The following NRXN1 variants were observed in gnomAD, a reference collection of about 807,000 sequenced individuals.
NRXN1 encodes neurexin-1.
In NRXN1, 39 loss-of-function variants were observed where a neutral mutation model predicts 150.9. The observed-to-expected ratio is 0.26, with a 90% CI of 0.20 to 0.34. The LOEUF (loss-of-function observed/expected upper bound fraction) is 0.34, where lower values mean the gene tolerates loss of function less well. Ranked by LOEUF, NRXN1 falls within the 10% of genes least tolerant of loss-of-function variation. The pLI is 1.00. For synonymous variants in NRXN1, 924 were observed against 757.0 expected (o/e 1.22, Z -3.62); for missense variants, 1,815 against 1,949.9 (o/e 0.93, Z 1.30).
At chr2:49,961,654 AG>A (rs1246489675) in intron 21 of NRXN1, among the ~76,000 whole-genome samples, 35 of 152,214 alleles carry the variant, frequency 2.3e-4, no homozygotes, top group Non-Finnish European at 3.2e-4. Flanking sequence ...CTATGGAAAT[AG>A]GACAAATTAG....
chr2:50,611,631 G>C (rs1237134212), intron 8 of NRXN1, among the ~76,000 whole-genome samples: 3 of 152,264 alleles, frequency 2.0e-5, no homozygotes, highest in East Asian at 3.9e-4. Flanking sequence ...GCAATGTATA[G>C]AGCCAATACT....
intron 19 of NRXN1, among the ~76,000 whole-genome samples, chr2:50,067,284 A>G (rs1166428318): frequency 6.6e-6 from 1 of 152,236 alleles, no homozygotes; most frequent in East Asian, 1.9e-4. Flanking sequence ...ACATTAAGAT[A>G]TCTAAGTGTT....
rs1693036341 is a variant in NRXN1, at chr2:50,053,321, T to G, written c.4078A>C (p.Thr1360Pro). The change falls in exon 21 of 23, where the codon ACT (threonine) becomes CCT (proline). Residue 1360 changes from threonine (T) to proline (P), a missense_variant. Thr to Pro is a conservative substitution (Grantham distance 38). This residue lies in a region of NRXN1 where 265 missense variants were observed against 307.1 expected (regional missense o/e 0.86). Coordinates refer to ENST00000401669, the MANE Select transcript of NRXN1 (RefSeq NM_001330078.2). ...GGCTTTCCTCTTCTGGCTGTGCTAGTAGCCAGGGTCGTGGTAGTCTCCATA... is the reference window on the plus strand; with the variant it reads ...GGCTTTCCTCTTCTGGCTGTGCTAGGAGCCAGGGTCGTGGTAGTCTCCATA... ...SIMETTTTLA[T>P]STARRGKPPT... The G allele has an allele frequency of 1.2e-6, 2 of 1,613,898 alleles. No individual in the cohort carries two copies. Among genetic ancestry groups the G allele is most frequent in the Non-Finnish European group, 1.7e-6 (2 of 1,179,914 alleles).
At chr2:50,652,227 C>A (rs1298021758) in intron 5 of NRXN1, among the ~76,000 whole-genome samples, 2 of 152,072 alleles carry the variant, frequency 1.3e-5, no homozygotes, top group Non-Finnish European at 2.9e-5. Flanking sequence ...TCCTTTATAT[C>A]TTTTCTGAAG....
chr2:50,485,397 A>T (rs2090794027), intron 15 of NRXN1, among the ~76,000 whole-genome samples: 1 of 152,358 alleles, frequency 6.6e-6, no homozygotes, highest in African/African-American at 2.4e-5. Flanking sequence ...CGTACTATGC[A>T]GTGAGTTTGT....
chr2:50,636,864 T>G (rs947136408), intron 5 of NRXN1, among the ~76,000 whole-genome samples: 1 of 152,208 alleles, frequency 6.6e-6, no homozygotes, highest in African/African-American at 2.4e-5. Context: ...AAAGTACTTC[T>G]TCATATAATT....
rs75795102 is a variant in NRXN1, at chr2:50,491,625, G to C, written c.3070+4280C>G. On this transcript the variant is annotated intron_variant, in intron 15 of 22. Coordinates refer to ENST00000401669, the MANE Select transcript of NRXN1 (RefSeq NM_001330078.2). ...ATCCTTGAAGGAGTTTTGGGTTTGA[G>C]AGGGAGAACAGAGGAGGAAGAAAGG... Among the ~76,000 whole-genome samples the C allele has an allele frequency of 3.3e-3, 502 of 152,306 alleles. 2 individuals are homozygous for C. The highest frequency in any genetic ancestry group is 5.2e-3 in the Non-Finnish European group (356 of 68,020).
At chr2:50,641,080 G>T (rs1684010280) in intron 5 of NRXN1, among the ~76,000 whole-genome samples, 1 of 152,086 alleles carries the variant, frequency 6.6e-6, no homozygotes, top group African/African-American at 2.4e-5. Flanking sequence ...TTTGCAAACT[G>T]CAGGCTGAAA....
intron 19 of NRXN1, among the ~76,000 whole-genome samples, chr2:50,065,670 G>GT (rs200136510): frequency 1.3e-4 from 20 of 151,774 alleles, no homozygotes; most frequent in Admixed American, 2.0e-4. Flanking sequence ...GCAGTATTTT[G>GT]TTTTTTTTCC....
intron 17 of NRXN1, among the ~76,000 whole-genome samples, chr2:50,328,004 T>C (rs2076502793): frequency 6.6e-6 from 1 of 152,128 alleles, no homozygotes; most frequent in Admixed American, 6.5e-5. Context: ...ATTTTTTATA[T>C]GTGTATTCTG....
chr2:50,036,521 T>C (rs141916176), intron 21 of NRXN1, among the ~76,000 whole-genome samples: 6 of 152,344 alleles, frequency 3.9e-5, no homozygotes, highest in Non-Finnish European at 8.8e-5. Context: ...CATTTGTCTT[T>C]GATTTTTAGC....
chr2:50,872,639 C>G (rs1383366223), intron 5 of NRXN1, among the ~76,000 whole-genome samples: 1 of 151,604 alleles, frequency 6.6e-6, no homozygotes, highest in Non-Finnish European at 1.5e-5. Flanking sequence ...AAAATAATCA[C>G]TCTCACTGGT....
chr2:50,592,668 G>T (rs11896341), intron 8 of NRXN1, among the ~76,000 whole-genome samples: 3 of 152,156 alleles, frequency 2.0e-5, no homozygotes, highest in African/African-American at 7.2e-5. Flanking sequence ...TCAGGGCTTA[G>T]ACTTTGTTGA....
intron 5 of NRXN1, among the ~76,000 whole-genome samples, chr2:50,696,743 G>T (rs1014974238): frequency 5.9e-5 from 9 of 152,134 alleles, no homozygotes; most frequent in Admixed American, 4.6e-4. Context: ...TTTTCACAGA[G>T]ATAAACATAT....
intron 5 of NRXN1, among the ~76,000 whole-genome samples, chr2:50,664,080 T>C (rs1198709627): frequency 6.6e-6 from 1 of 151,986 alleles, no homozygotes; most frequent in African/African-American, 2.4e-5. Context: ...ACAGATCCTC[T>C]AGGAGCTTAC....
At chr2:50,721,576 T>G (rs928775960) in intron 5 of NRXN1, among the ~76,000 whole-genome samples, 4 of 152,168 alleles carry the variant, frequency 2.6e-5, no homozygotes, top group Admixed American at 2.6e-4. Context: ...ACATGAAGCA[T>G]GAATCCTCAG....
intron 17 of NRXN1, among the ~76,000 whole-genome samples, chr2:50,237,249 G>A (rs1056684554): frequency 6.6e-5 from 10 of 151,970 alleles, no homozygotes; most frequent in Admixed American, 2.0e-4. Context: ...GGACAAGAAC[G>A]GAATGTAATG....
chr2:50,374,923 A>G (rs1157358706), intron 17 of NRXN1, among the ~76,000 whole-genome samples: 2 of 152,172 alleles, frequency 1.3e-5, no homozygotes, highest in Non-Finnish European at 2.9e-5. Flanking sequence ...AGCAGTCTGT[A>G]GAAAAATGAA....
chr2:50,924,919 G>A (rs1686633254), intron 3 of NRXN1, among the ~76,000 whole-genome samples: 1 of 151,502 alleles, frequency 6.6e-6, no homozygotes, highest in Non-Finnish European at 1.5e-5. Context: ...CTGTAACCTG[G>A]GATAGGGAGT....
Sources: gnomAD v4.1 joint callset for allele counts (sites outside exome capture counted in the v4.1 genomes callset) on GRCh38, gnomAD v4.1.1 for gene constraint, gnomAD v4.1.1 regional missense constraint, MANE v1.5 for transcripts, NCBI Gene and HGNC (gene_info 2026-07-23, HGNC 2026-07-21) for gene names.